Variants in DOP1B observed in about 807,000 individuals in gnomAD.
DOP1B encodes protein DOP1B.
DOP1B carries 174 observed loss-of-function variants against 233.5 expected under a neutral mutation model. The observed-to-expected ratio is 0.75, with a 90% CI of 0.66 to 0.85. DOP1B has a LOEUF of 0.85. DOP1B is among the 40% of genes least tolerant of loss of function. The probability of loss-of-function intolerance (pLI) is 0.00; values close to 1 mark genes in which losing one functional copy is unlikely to be tolerated. For missense variants in DOP1B, 2,652 were observed against 2,846.6 expected (o/e 0.93, Z 1.56); for synonymous variants, 1,190 against 1,185.6 (o/e 1.00, Z -0.08).
At position 36,168,672 on chromosome 21, in the gene DOP1B, G is replaced by A. The variant is rs180874641; in HGVS notation, c.138+3801G>A. On this transcript the variant is annotated intron_variant, in intron 2 of 36. Transcript: ENST00000691173. Reference sequence around the variant, plus strand: ...CTCCTGAGTAGCTGGGGTTATAGGCGTTAGCGACCATGCCTGGCTAATTTT... The same window carrying A: ...CTCCTGAGTAGCTGGGGTTATAGGCATTAGCGACCATGCCTGGCTAATTTT... Among the ~76,000 whole-genome samples the A allele has an allele frequency of 8.0e-3, 1,216 of 151,980 alleles. 16 individuals are homozygous for A. Among genetic ancestry groups the A allele is most frequent in the South Asian group, 0.049 (236 of 4,810 alleles).
At chr21:36,179,334 T>G (rs2066068168) in intron 2 of DOP1B, among the ~76,000 whole-genome samples, 2 of 152,224 alleles carry the variant, frequency 1.3e-5, no homozygotes, top group South Asian at 4.1e-4. Context: ...AAAGCTCCAG[T>G]TCTCCCCCAT....
intron 22 of DOP1B, among the ~76,000 whole-genome samples, chr21:36,253,226 C>T (rs1601452023): frequency 6.6e-6 from 1 of 152,168 alleles, no homozygotes; most frequent in Admixed American, 6.5e-5. Flanking sequence ...TTCCTGTCTT[C>T]GTATTTTTGA....
At chr21:36,165,549 C>T (rs536671927) in intron 2 of DOP1B, among the ~76,000 whole-genome samples, 1 of 152,144 alleles carries the variant, frequency 6.6e-6, no homozygotes, top group East Asian at 1.9e-4. Context: ...CAGTCCGTGG[C>T]CTATTAGGAA....
intron 4 of DOP1B, among the ~76,000 whole-genome samples, chr21:36,202,405 C>T (rs963635853): frequency 2.2e-4 from 34 of 152,154 alleles, no homozygotes; most frequent in Non-Finnish European, 3.8e-4. Context: ...TTACACAACG[C>T]GCTGCTCATA....
intron 20 of DOP1B, 84 bp from the exon 21 acceptor site, chr21:36,248,295 TA>T: frequency 6.9e-7 from 1 of 1,449,718 alleles, no homozygotes; most frequent in Non-Finnish European, 9.4e-7. Context: ...AGCCCAGACC[TA>T]ATCCCGCTAG....
intron 21 of DOP1B, among the ~76,000 whole-genome samples, chr21:36,250,830 C>G (rs1441636232): frequency 1.3e-5 from 2 of 152,208 alleles, no homozygotes; most frequent in East Asian, 3.9e-4. Context: ...TGCAAGACCC[C>G]CACTGTGCTC....
chr21:36,214,241 A>G (rs774093092), intron 8 of DOP1B, 51 bp downstream of exon 8: 7 of 1,498,034 alleles, frequency 4.7e-6, no homozygotes, highest in African/African-American at 1.4e-5. Context: ...ACGATTCTCC[A>G]GTGGATTTCT....
chr21:36,290,349 AC>A (rs1275436139), intron 35 of DOP1B, among the ~76,000 whole-genome samples: 1 of 152,094 alleles, frequency 6.6e-6, no homozygotes. Context: ...ACATGGCGAA[AC>A]CCTGTCTCAA....
At chr21:36,179,145 A>G (rs575267174) in intron 2 of DOP1B, among the ~76,000 whole-genome samples, 1 of 152,314 alleles carries the variant, frequency 6.6e-6, no homozygotes, top group East Asian at 1.9e-4. Context: ...GTGTACATCA[A>G]AGTTTCCTTC....
rs760453207 is a variant in DOP1B at position 36,248,515 on chromosome 21, G to A, written c.4945G>A (p.Asp1649Asn). The change falls in exon 21 of 37, where the codon GAT becomes AAT. Residue 1649 changes from aspartate (D) to asparagine (N), a missense_variant. By Grantham distance (23) the Asp-to-Asn change is conservative. Coordinates refer to ENST00000691173, the MANE Select transcript of DOP1B (RefSeq NM_001320714.2). ...RKEETQKRPV[D>N]LLGATKGSSS... is the part of the protein sequence containing the mutation. ...GGAGGAGACTCAAAAGAGACCTGTCGATCTCCTAGGGGCCACGAAGGGATC... is the reference window on the plus strand; with the variant it reads ...GGAGGAGACTCAAAAGAGACCTGTCAATCTCCTAGGGGCCACGAAGGGATC... 2.8e-5 allele frequency: 45 copies of A among 1,613,916 alleles called. No homozygotes were observed. The highest frequency in any genetic ancestry group is 9.9e-5 in the South Asian group (9 of 91,074).
At chr21:36,241,330 C>T (rs1312345581) in intron 18 of DOP1B, among the ~76,000 whole-genome samples, 1 of 151,694 alleles carries the variant, frequency 6.6e-6, no homozygotes, top group Non-Finnish European at 1.5e-5. Flanking sequence ...AAGTTTTCCT[C>T]TGCCTAGCAA....
chr21:36,254,535 C>T (rs1032893446), intron 23 of DOP1B, among the ~76,000 whole-genome samples: 7 of 152,108 alleles, frequency 4.6e-5, no homozygotes, highest in Non-Finnish European at 1.5e-5. Context: ...CCAAATGAGG[C>T]TCCTACCCTC....
intron 26 of DOP1B, among the ~76,000 whole-genome samples, chr21:36,264,437 A>G (rs889173056): frequency 6.6e-6 from 1 of 151,572 alleles, no homozygotes; most frequent in African/African-American, 2.4e-5. Flanking sequence ...AAAGGAAGCT[A>G]TCTCCATACA....
At chr21:36,168,958 C>T (rs1443989178) in intron 2 of DOP1B, 1 of 695,492 alleles carries the variant, frequency 1.4e-6, no homozygotes, top group Non-Finnish European at 2.6e-6. Context: ...GGTGCAAAAC[C>T]TGTTCCTGGC....
At chr21:36,256,390 A>G (rs1250635032) in intron 23 of DOP1B, among the ~76,000 whole-genome samples, 2 of 152,140 alleles carry the variant, frequency 1.3e-5, no homozygotes, top group African/African-American at 2.4e-5. Context: ...GCAGTGAGCT[A>G]TGATTGAGCC....
chr21:36,188,559 G>T (rs1317500869), intron 2 of DOP1B, among the ~76,000 whole-genome samples: 1 of 152,206 alleles, frequency 6.6e-6, no homozygotes, highest in Non-Finnish European at 1.5e-5. Flanking sequence ...TTGAGCCTGT[G>T]TCACCTGGCC....
chr21:36,227,078 G>A (rs1248621139), intron 12 of DOP1B, among the ~76,000 whole-genome samples: 2 of 151,228 alleles, frequency 1.3e-5, no homozygotes, highest in Admixed American at 1.3e-4. Context: ...TGTGGTGGCG[G>A]GCGCCTGTAG....
rs769956298 is a variant in DOP1B at position 36,289,156 on chromosome 21, C to T, written c.6465C>T (p.Phe2155=). The change falls in exon 35 of 37, where the codon TTC becomes TTT. Residue 2155 remains phenylalanine (F), a synonymous_variant. Transcript: ENST00000691173. ...ELILYLSACK[F]LDTALSFPPD... is the part of the protein sequence containing the mutation. ...TCTTGTATTTATCAGCTTGCAAATTCTTGGACACAGCGCTTTCTTTTCCAC... is the reference window on the plus strand; with the variant it reads ...TCTTGTATTTATCAGCTTGCAAATTTTTGGACACAGCGCTTTCTTTTCCAC... 2 of 1,614,108 alleles carry T rather than the reference C, an allele frequency of 1.2e-6. No individual in the cohort carries two copies. Among genetic ancestry groups the T allele is most frequent in the Non-Finnish European group, 1.7e-6 (2 of 1,180,022 alleles).
rs1247483108 is a variant in DOP1B at position 36,278,345 on chromosome 21, T to G, written c.5959T>G (p.Ser1987Ala). 3.1e-6 allele frequency: 5 copies of G among 1,612,494 alleles called. No homozygotes were observed. In the East Asian group the frequency reaches 1.1e-4, roughly 36 times the overall value. ...CCCCGCTTTCTTTCAGATGGATACT[T>G]CCTGTGTTCAGTAAGATATGCTGTC... ...LDPAFFQMDT[S>A]CVHWKSIIDH... Residue 1987 changes from serine (S) to alanine (A), a missense_variant, in exon 30 of 37, where the codon TCC (serine) becomes GCC (alanine). Ser to Ala is a moderately conservative substitution (Grantham distance 99). Transcript: ENST00000691173.
Sources: gnomAD v4.1 joint callset for allele counts (sites outside exome capture counted in the v4.1 genomes callset) on GRCh38, gnomAD v4.1.1 for gene constraint, MANE v1.5 for transcripts, NCBI Gene and HGNC (gene_info 2026-07-23, HGNC 2026-07-21) for gene names.